The following CA10 variants were observed in gnomAD, a reference collection of about 807,000 sequenced individuals.
CA10 encodes carbonic anhydrase-related protein 10.
In CA10, 14 loss-of-function variants were observed where a neutral mutation model predicts 44.2. The observed-to-expected ratio is 0.32, with a 90% CI of 0.21 to 0.50. The LOEUF is 0.50. CA10 is among the 20% of genes least tolerant of loss of function. The pLI is 0.99. For synonymous variants in CA10, 159 were observed against 141.6 expected, an observed-to-expected ratio of 1.12 and a Z score of -0.87; for missense variants, 350 against 409.7, an observed-to-expected ratio of 0.85 and a Z score of 1.26.
chr17:52,076,603 T>C (rs989206688), intron 1 of CA10, among the ~76,000 whole-genome samples: 39 of 152,218 alleles, frequency 2.6e-4, no homozygotes, highest in African/African-American at 8.4e-4. Context: ...ATTTATGTAA[T>C]GTTTTCAAAT....
At chr17:52,050,233 G>T (rs1220542788) in intron 2 of CA10, among the ~76,000 whole-genome samples, 4 of 151,932 alleles carry the variant, frequency 2.6e-5, no homozygotes, top group African/African-American at 9.7e-5. Context: ...CCAAACTTAA[G>T]ATTCATCCTT....
At chr17:51,874,955 T>TTTTC (rs1979991805) in intron 3 of CA10, among the ~76,000 whole-genome samples, 2 of 82,838 alleles carry the variant, frequency 2.4e-5, no homozygotes, top group East Asian at 3.0e-4. Context: ...CTTCTGTTTT[T>TTTTC]TTTTCTTTTT....
At chr17:51,775,947 T>C (rs1374689226) in intron 3 of CA10, among the ~76,000 whole-genome samples, 1 of 152,036 alleles carries the variant, frequency 6.6e-6, no homozygotes. Flanking sequence ...GCTGGTAAGG[T>C]AGGCCAATTG....
In CA10 at chr17:52,078,494, C is replaced by T. The variant is rs1000583286; in HGVS notation, c.62-6101G>A. 6.6e-5 allele frequency among the ~76,000 whole-genome samples: 10 copies of T among 152,310 alleles called. No homozygotes were observed. The South Asian group carries it at 2.1e-3, about 32-fold the overall frequency. On this transcript the variant is annotated intron_variant, in intron 1 of 8. Transcript: ENST00000451037. ...GAGGAGAGGCAGAGTACATACACTG[C>T]TATGGTTACTTCATTTTAATGTAAT...
intron 3 of CA10, among the ~76,000 whole-genome samples, chr17:51,828,939 G>A (rs995808022): frequency 5.3e-5 from 8 of 152,182 alleles, no homozygotes; most frequent in African/African-American, 1.9e-4. Context: ...CTCACTAAAT[G>A]TTAGCTATTT....
intron 3 of CA10, among the ~76,000 whole-genome samples, chr17:51,925,771 T>C (rs1197869487): frequency 6.6e-6 from 1 of 152,186 alleles, no homozygotes; most frequent in African/African-American, 2.4e-5. Context: ...ATGAATTAAA[T>C]TTTGATACAT....
chr17:51,883,746 C>T (rs1392424070), intron 3 of CA10, among the ~76,000 whole-genome samples: 1 of 152,152 alleles, frequency 6.6e-6, no homozygotes, highest in Non-Finnish European at 1.5e-5. Flanking sequence ...GTCCTTAAGC[C>T]TTTTGTCTAA....
chr17:51,941,372 T>C (rs1983072272), intron 2 of CA10, among the ~76,000 whole-genome samples: 1 of 152,196 alleles, frequency 6.6e-6, no homozygotes, highest in Admixed American at 6.5e-5. Context: ...TGTGTGCCTG[T>C]ATCAGGTTTA....
chr17:51,768,853 C>T (rs1384478198), intron 3 of CA10, among the ~76,000 whole-genome samples: 2 of 152,226 alleles, frequency 1.3e-5, no homozygotes, highest in African/African-American at 4.8e-5. Flanking sequence ...TCAAACTTGT[C>T]TCAAAACTCA....
chr17:51,976,857 A>G (rs1424871287), intron 2 of CA10, among the ~76,000 whole-genome samples: 1 of 152,058 alleles, frequency 6.6e-6, no homozygotes, highest in Non-Finnish European at 1.5e-5. Flanking sequence ...GTAAAACAAG[A>G]ATCAGCAGTA....
chr17:51,934,183 G>T (rs1982774965), intron 2 of CA10, among the ~76,000 whole-genome samples: 1 of 152,040 alleles, frequency 6.6e-6, no homozygotes, highest in South Asian at 2.1e-4. Flanking sequence ...TGAATTAATA[G>T]CTTTTCAGAA....
At chr17:51,657,037 A>T (rs1431593276) in intron 4 of CA10, among the ~76,000 whole-genome samples, 1 of 152,220 alleles carries the variant, frequency 6.6e-6, no homozygotes, top group Non-Finnish European at 1.5e-5. Flanking sequence ...GATTGGAGCC[A>T]GGAGAAAATA....
At chr17:51,770,324 A>AT (rs1389775649) in intron 3 of CA10, among the ~76,000 whole-genome samples, 4 of 151,920 alleles carry the variant, frequency 2.6e-5, no homozygotes, top group Non-Finnish European at 4.4e-5. Context: ...AAATATGGCT[A>AT]TAATATCCTA....
intron 1 of CA10, among the ~76,000 whole-genome samples, chr17:52,102,775 T>C (rs1027177502): frequency 1.3e-5 from 2 of 152,232 alleles, no homozygotes; most frequent in African/African-American, 2.4e-5. Context: ...TCAGTTTATC[T>C]TTTAACAGTA....
At chr17:51,669,331 G>C (rs1471913038) in intron 4 of CA10, among the ~76,000 whole-genome samples, 1 of 152,192 alleles carries the variant, frequency 6.6e-6, no homozygotes, top group African/African-American at 2.4e-5. Context: ...AGCTAATCTA[G>C]TGGGGACTTG....
chr17:51,961,588 G>C (rs1442120388), intron 2 of CA10, among the ~76,000 whole-genome samples: 1 of 152,122 alleles, frequency 6.6e-6, no homozygotes, highest in African/African-American at 2.4e-5. Context: ...GAGAGAAGTA[G>C]CAAATTACTA....
intron 1 of CA10, among the ~76,000 whole-genome samples, chr17:52,126,460 T>A (rs1989122327): frequency 6.6e-6 from 1 of 152,240 alleles, no homozygotes; most frequent in South Asian, 2.1e-4. Context: ...AGCCTCGGTC[T>A]TCATCTGAAT....
chr17:52,070,356 CAAT>C (rs1448004261), intron 2 of CA10: 3 of 138,308 alleles, frequency 2.2e-5, no homozygotes, highest in African/African-American at 8.0e-5. Context: ...ATACCAACAA[CAAT>C]TGACATATAC....
At chr17:51,722,237 T>G (rs1055551884) in intron 4 of CA10, among the ~76,000 whole-genome samples, 14 of 152,164 alleles carry the variant, frequency 9.2e-5, no homozygotes, top group African/African-American at 3.4e-4. Flanking sequence ...GACAGCTGAA[T>G]TGTCTAATGC....
Sources: gnomAD v4.1 joint callset for allele counts (sites outside exome capture counted in the v4.1 genomes callset) on GRCh38, gnomAD v4.1.1 for gene constraint, MANE v1.5 for transcripts, NCBI Gene and HGNC (gene_info 2026-07-23, HGNC 2026-07-21) for gene names.